STK3: variants seen among roughly 807,000 people sequenced by gnomAD.
STK3 encodes the protein serine/threonine-protein kinase 3.
Under a neutral mutation model 58.0 loss-of-function variants are expected in STK3, and 41 were observed. The observed-to-expected ratio is 0.71, with a 90% confidence interval of 0.55 to 0.92. The LOEUF is 0.92. Ranked by LOEUF, STK3 falls within the 40% of genes least tolerant of loss-of-function variation. STK3 has a pLI of 0.00. For missense variants in STK3, 479 were observed against 602.7 expected, an observed-to-expected ratio of 0.79 and a Z score of 2.15; for synonymous variants, 170 against 191.0, an observed-to-expected ratio of 0.89 and a Z score of 0.91.
intron 1 of STK3, among the ~76,000 whole-genome samples, chr8:98,914,324 C>T (rs1346955076): frequency 6.6e-6 from 1 of 152,052 alleles, no homozygotes; most frequent in Non-Finnish European, 1.5e-5. Context: ...GGATCGCTCA[C>T]TCGAGCCTAG....
chr8:98,428,066 G>T lies in STK3; in HGVS notation n.483+6061C>A, dbSNP rs1818268129. ...TCAATGTGGGCGGCTTCAAGAGGAGGCTGCGCTCGCACACGCTGCTGCGCT... is the reference window on the plus strand; with the variant it reads ...TCAATGTGGGCGGCTTCAAGAGGAGTCTGCGCTCGCACACGCTGCTGCGCT... On this transcript the variant is annotated intron_variant and non_coding_transcript_variant, in intron 3 of 3. Coordinates refer to the STK3 transcript ENST00000517832. This position sits in a 1 kb window ranked among gnomAD's most constrained non-coding sequence, Gnocchi z 6.7. The T allele has an allele frequency of 6.2e-7, 1 of 1,613,186 alleles. No homozygotes were observed.
chr8:98,502,131 A>C (rs1254333678), intron 10 of STK3, among the ~76,000 whole-genome samples: 6 of 152,088 alleles, frequency 3.9e-5, no homozygotes, highest in African/African-American at 1.4e-4. Flanking sequence ...ATCCCTTGTA[A>C]GTTGGATTCC....
chr8:98,842,756 C>G (rs558632061), intron 3 of STK3, among the ~76,000 whole-genome samples: 112 of 151,752 alleles, frequency 7.4e-4, no homozygotes, highest in Non-Finnish European at 1.5e-3. Flanking sequence ...AATCTCAGCA[C>G]TTGGTAGGCC....
chr8:98,891,526 C>A (rs1163938373), intron 1 of STK3, among the ~76,000 whole-genome samples: 1 of 151,894 alleles, frequency 6.6e-6, no homozygotes, highest in Non-Finnish European at 1.5e-5. Flanking sequence ...TTGATATGTA[C>A]ATAGCAGGGA....
At chr8:98,924,583 C>G (rs1332024014) in intron 1 of STK3, among the ~76,000 whole-genome samples, 1 of 152,202 alleles carries the variant, frequency 6.6e-6, no homozygotes, top group South Asian at 2.1e-4. Context: ...AAAAGAGGGA[C>G]TAGCCCAAGG....
chr8:98,741,386 A>G (rs752687469), intron 4 of STK3, among the ~76,000 whole-genome samples: 1 of 152,238 alleles, frequency 6.6e-6, no homozygotes, highest in African/African-American at 2.4e-5. Context: ...AGAAATTATA[A>G]CAAACTGTCT....
rs1820976462 is a variant in STK3 at position 98,651,926 on chromosome 8, G to A, written c.684+54541C>T. On this transcript the variant is annotated intron_variant, in intron 6 of 10. Transcript: ENST00000419617. The stretch of plus-strand genomic sequence containing the variant: ...ACACTCTGCAGGATATTATCCAGGA[G>A]AACTTCCCCAATCTAGCAAGGCAGG... 1.3e-5 allele frequency among the ~76,000 whole-genome samples: 2 copies of A among 151,626 alleles called. 1 individual carries two copies. Among genetic ancestry groups the A allele is most frequent in the Admixed American group, 1.3e-4 (2 of 15,214 alleles).
At chr8:98,385,710 C>T (rs1425531527) in intron 1 of STK3, among the ~76,000 whole-genome samples, 5 of 152,138 alleles carry the variant, frequency 3.3e-5, no homozygotes, top group Admixed American at 6.5e-5. Flanking sequence ...GCAGCAAAAT[C>T]TGAACAGACA....
intron 1 of STK3, among the ~76,000 whole-genome samples, chr8:98,894,049 C>T (rs1326167205): frequency 6.6e-6 from 1 of 152,146 alleles, no homozygotes; most frequent in South Asian, 2.1e-4. Context: ...TACTACTGAC[C>T]TCAGTCAATC....
intron 10 of STK3, among the ~76,000 whole-genome samples, chr8:98,517,828 C>T (rs1297300468): frequency 2.6e-5 from 4 of 151,978 alleles, no homozygotes; most frequent in African/African-American, 9.7e-5. Flanking sequence ...TCCTAAATTC[C>T]ACTATTGGTT....
At chr8:98,591,325 C>T (rs776776860) in intron 7 of STK3, among the ~76,000 whole-genome samples, 2 of 152,182 alleles carry the variant, frequency 1.3e-5, no homozygotes, top group Non-Finnish European at 2.9e-5. Flanking sequence ...ATTGCGTCTA[C>T]AAAACACTCA....
chr8:98,734,821 C>G (rs1358739695), intron 4 of STK3, among the ~76,000 whole-genome samples: 1 of 151,562 alleles, frequency 6.6e-6, no homozygotes, highest in Non-Finnish European at 1.5e-5. Flanking sequence ...CTTGAAAACA[C>G]TTGACTCCTC....
At chr8:98,526,237 T>C (rs951234152) in intron 10 of STK3, among the ~76,000 whole-genome samples, 4 of 152,002 alleles carry the variant, frequency 2.6e-5, no homozygotes, top group Admixed American at 2.6e-4. Context: ...GGCAGTTTTA[T>C]ACTGAAGTTT....
chr8:98,918,332 G>A (rs756514201), intron 1 of STK3, among the ~76,000 whole-genome samples: 1 of 152,098 alleles, frequency 6.6e-6, no homozygotes, highest in African/African-American at 2.4e-5. Flanking sequence ...AGGTATTTGG[G>A]GTATATCTTG....
rs143614543 is a variant in STK3, at chr8:98,753,015, T to G, written c.237-3625A>C. ...AATGCTTATATACTGTTGGTGGGAG[T>G]GTAAATTAGTTCAACCATTGTGGAA... is the stretch of plus-strand genomic sequence containing the variant. On this transcript the variant is annotated intron_variant, in intron 3 of 10. Coordinates refer to ENST00000419617, the MANE Select transcript of STK3 (RefSeq NM_006281.4). Among the ~76,000 whole-genome samples, 1,154 of 149,742 alleles carry G rather than the reference T, an allele frequency of 7.7e-3. 13 individuals carry two copies. The highest frequency in any genetic ancestry group is 0.026 in the African/African-American group (1,057 of 40,674).
At chr8:98,846,537 T>C (rs1042228539) in intron 3 of STK3, among the ~76,000 whole-genome samples, 1 of 152,220 alleles carries the variant, frequency 6.6e-6, no homozygotes, top group Non-Finnish European at 1.5e-5. Flanking sequence ...GGTCCTGTTT[T>C]CTGGGAGAGC....
intron 3 of STK3, among the ~76,000 whole-genome samples, chr8:98,757,972 G>A (rs1171104175): frequency 6.6e-6 from 1 of 152,202 alleles, no homozygotes; most frequent in Admixed American, 6.5e-5. Context: ...CAATTATTTA[G>A]ATGTTCTAAC....
intron 10 of STK3, among the ~76,000 whole-genome samples, chr8:98,479,518 AG>A (rs1263511887): frequency 1.4e-5 from 2 of 141,356 alleles, no homozygotes; most frequent in African/African-American, 5.3e-5. Flanking sequence ...AAGGTGAAGA[AG>A]CATATCAGGA....
chr8:98,606,300 G>C (rs1816772486), intron 6 of STK3: 1 of 152,360 alleles, frequency 6.6e-6, no homozygotes, highest in East Asian at 1.9e-4. Context: ...TCAAAAAAAA[G>C]GGGAAGGGAA....
Sources: gnomAD v4.1 joint callset for allele counts (sites outside exome capture counted in the v4.1 genomes callset) on GRCh38, gnomAD v4.1.1 for gene constraint, Gnocchi (gnomAD v3.1) non-coding constraint, MANE v1.5 for transcripts, NCBI Gene and HGNC (gene_info 2026-07-23, HGNC 2026-07-21) for gene names.